Variants in ALX1 observed in about 807,000 individuals in gnomAD.
The protein encoded by ALX1 is ALX homeobox 1, also known as ALX homeobox protein 1.
ALX1 carries 19 observed loss-of-function variants against 31.7 expected under a neutral mutation model. The ratio of observed to expected loss-of-function variants is 0.60; its 90% CI spans 0.42 to 0.88. The LOEUF (loss-of-function observed/expected upper bound fraction) is 0.88. Among genes scored for constraint, ALX1 ranks in the 40% least tolerant of loss-of-function variants. The probability of loss-of-function intolerance (pLI) is 0.00; values close to 1 mark genes in which losing one functional copy is unlikely to be tolerated. For missense variants in ALX1, 415 were observed against 407.8 expected (o/e 1.02, Z -0.15); for synonymous variants, 153 against 148.8 (o/e 1.03, Z -0.20).
At chr12:85,291,815 A>G (rs1441834587) in intron 3 of ALX1, among the ~76,000 whole-genome samples, 1 of 151,086 alleles carries the variant, frequency 6.6e-6, no homozygotes, top group Non-Finnish European at 1.5e-5. Flanking sequence ...TTTATAGACT[A>G]CAGAGGTGAA....
At position 85,283,525 on chromosome 12, in the gene ALX1, G is replaced by C. The variant is rs1478393047; in HGVS notation, c.227-47G>C. 1.9e-6 allele frequency: 3 copies of C among 1,584,726 alleles called. No homozygotes were observed. The Admixed American group carries it at 5.0e-5, about 26-fold the overall frequency. ...TTCTACTTATTGATTTAATTGAGATGAGTTTCACAATCCTGAGAACTGTTG... is the reference window on the plus strand; with the variant it reads ...TTCTACTTATTGATTTAATTGAGATCAGTTTCACAATCCTGAGAACTGTTG... On this transcript the variant is annotated intron_variant, in intron 1 of 3. Transcript: ENST00000316824.
In ALX1 at chr12:85,301,395, T is replaced by A; in HGVS notation, c.901T>A (p.Phe301Ile). 6.2e-7 allele frequency: 1 copy of A among 1,613,982 alleles called. No homozygotes were observed. Among genetic ancestry groups the A allele is most frequent in the Non-Finnish European group, 8.5e-7 (1 of 1,179,966 alleles). The change falls in exon 4 of 4, where the codon TTT (phenylalanine) becomes ATT (isoleucine). Residue 301 changes from phenylalanine to isoleucine, a missense_variant. Phe to Ile is a conservative substitution (Grantham distance 21). Coordinates refer to ENST00000316824, the MANE Select transcript of ALX1 (RefSeq NM_006982.3). ...ACATGCATTTGAAACAAAGCCAGAG[T>A]TTGAAAGGAGGTCTTCCAGTATCGC... ...NGHAFETKPE[F>I]ERRSSSIAVL...
intron 3 of ALX1, among the ~76,000 whole-genome samples, chr12:85,296,932 C>G (rs1204809861): frequency 1.4e-4 from 21 of 151,540 alleles, no homozygotes; most frequent in Non-Finnish European, 2.8e-4. Context: ...TTTTTTACTT[C>G]CAAAATTGAA....
intron 3 of ALX1, among the ~76,000 whole-genome samples, chr12:85,289,525 T>C (rs1230593436): frequency 6.6e-6 from 1 of 151,278 alleles, no homozygotes; most frequent in Non-Finnish European, 1.5e-5. Flanking sequence ...AATGTTGCAC[T>C]AATTATTCCT....
At chr12:85,284,686 C>T (rs950938251) in intron 2 of ALX1, among the ~76,000 whole-genome samples, 2 of 151,874 alleles carry the variant, frequency 1.3e-5, no homozygotes, top group Admixed American at 1.3e-4. Context: ...CTTAGGAGTA[C>T]TTTATTTTGA....
chr12:85,285,922 G>A lies in ALX1; in HGVS notation c.532-931G>A, dbSNP rs192539254. 4.5e-3 allele frequency among the ~76,000 whole-genome samples: 681 copies of A among 151,966 alleles called. 5 individuals carry two copies. The highest frequency in any genetic ancestry group is 7.6e-3 in the Non-Finnish European group (518 of 67,834). On this transcript the variant is annotated intron_variant, in intron 2 of 3. Transcript: ENST00000316824. ...GAAGATATTGGAATATTACAGGTAT[G>A]AATTAATGAATATCCAACCTGCTGA...
intron 3 of ALX1, among the ~76,000 whole-genome samples, chr12:85,290,102 GA>G (rs1226666077): frequency 6.6e-6 from 1 of 151,158 alleles, no homozygotes; most frequent in East Asian, 1.9e-4. Context: ...AGATAGTTTA[GA>G]AAATGATCTC....
chr12:85,292,972 A>G (rs1027290078), intron 3 of ALX1, among the ~76,000 whole-genome samples: 4 of 150,086 alleles, frequency 2.7e-5, no homozygotes, highest in African/African-American at 9.7e-5. Flanking sequence ...TAATTAATAC[A>G]TTGTATGATG....
At chr12:85,291,988 A>G (rs1299732116) in intron 3 of ALX1, among the ~76,000 whole-genome samples, 1 of 151,200 alleles carries the variant, frequency 6.6e-6, no homozygotes, top group African/African-American at 2.4e-5. Context: ...AAATGGGGGT[A>G]AAAGCTCATA....
intron 3 of ALX1, among the ~76,000 whole-genome samples, chr12:85,293,963 G>A (rs933341895): frequency 6.6e-6 from 1 of 150,828 alleles, no homozygotes; most frequent in African/African-American, 2.4e-5. Context: ...ACATTAAATA[G>A]GTAAACTTCC....
chr12:85,286,928 T>C lies in ALX1; in HGVS notation c.607T>C (p.Phe203Leu). The change falls in exon 3 of 4, where the codon TTT becomes CTT. Residue 203 changes from phenylalanine (F) to leucine (L), a missense_variant. Coordinates refer to ENST00000316824, the MANE Select transcript of ALX1 (RefSeq NM_006982.3). ...YGQIQQAKSHFAATYDISVLP... is the reference protein window; with the variant it reads ...YGQIQQAKSHLAATYDISVLP... ...CCAAATACAACAAGCGAAAAGCCAT[T>C]TTGCTGCCACCTATGATATATCAGT... 6.2e-7 allele frequency: 1 copy of C among 1,612,288 alleles called. No individual in the cohort carries two copies. Among genetic ancestry groups the C allele is most frequent in the Non-Finnish European group, 8.5e-7 (1 of 1,178,694 alleles).
intron 3 of ALX1, among the ~76,000 whole-genome samples, chr12:85,295,061 A>T (rs79984170): frequency 0.032 from 4,787 of 151,406 alleles, 249 homozygotes; most frequent in African/African-American, 0.11. Context: ...CACTGATGAA[A>T]ATGTGCCCTC....
chr12:85,283,378 A>G (rs1343242957), intron 1 of ALX1, among the ~76,000 whole-genome samples, 194 bp from the exon 2 acceptor site: 1 of 152,240 alleles, frequency 6.6e-6, no homozygotes, highest in East Asian at 1.9e-4. Context: ...CAGTTGCATG[A>G]ACACATTTTA....
intron 3 of ALX1, among the ~76,000 whole-genome samples, chr12:85,289,858 TG>T (rs749157403): frequency 2.6e-5 from 4 of 151,304 alleles, no homozygotes; most frequent in South Asian, 4.1e-4. Flanking sequence ...CTAAATGAAA[TG>T]TTTTTTTTAT....
chr12:85,301,683 T>C lies in ALX1; in HGVS notation c.*208T>C. 1.6e-6 allele frequency: 1 copy of C among 623,220 alleles called. No homozygotes were observed. Among genetic ancestry groups the C allele is most frequent in the South Asian group, 2.1e-5 (1 of 48,496 alleles). 38.6% of individuals were successfully genotyped at this position (623,220 alleles called of 1,614,324 possible). The stretch of plus-strand genomic sequence containing the variant: ...ACTAAATAGGTTTACCATGTGCCAG[T>C]CTCCACAAACCCTGTTTTAGTAGTA... On this transcript the variant is annotated 3_prime_UTR_variant, in exon 4 of 4. Transcript: ENST00000316824.
At chr12:85,281,653 A>G (rs1422225261) in intron 1 of ALX1, among the ~76,000 whole-genome samples, 1 of 152,218 alleles carries the variant, frequency 6.6e-6, no homozygotes, top group African/African-American at 2.4e-5. Flanking sequence ...GACTAAGGGT[A>G]AATCAAAAAT....
chr12:85,293,433 AAC>A (rs1186834840), intron 3 of ALX1, among the ~76,000 whole-genome samples: 2 of 150,528 alleles, frequency 1.3e-5, no homozygotes, highest in Admixed American at 6.6e-5. Context: ...ATAAAAATGA[AAC>A]ATTTCATTTT....
rs771991970 is a variant in ALX1 at position 85,301,301 on chromosome 12, G to C, written c.807G>C (p.Gln269His). ...GTTACACGGGGTTTTCAAACCACCAGAACCAGTTCAGCCACGTGCCCCTCA... is the reference window on the plus strand; with the variant it reads ...GTTACACGGGGTTTTCAAACCACCACAACCAGTTCAGCCACGTGCCCCTCA... ...DSSYTGFSNH[Q>H]NQFSHVPLNN... Residue 269 changes from glutamine (Q) to histidine (H), a missense_variant, in exon 4 of 4, where the codon CAG (glutamine) becomes CAC (histidine). Physicochemically the swap from Gln to His is conservative, Grantham distance 24 (BLOSUM62 0). Transcript: ENST00000316824. 4 of 1,614,004 alleles carry C rather than the reference G, an allele frequency of 2.5e-6. No homozygotes were observed. The South Asian group carries it at 4.4e-5, about 18-fold the overall frequency.
At chr12:85,293,007 C>T (rs1896838673) in intron 3 of ALX1, among the ~76,000 whole-genome samples, 2 of 150,304 alleles carry the variant, frequency 1.3e-5, no homozygotes, top group Non-Finnish European at 3.0e-5. Flanking sequence ...CATGAAACAA[C>T]CAATGAATGG....
Sources: gnomAD v4.1 joint callset for allele counts (sites outside exome capture counted in the v4.1 genomes callset) on GRCh38, gnomAD v4.1.1 for gene constraint, MANE v1.5 for transcripts, NCBI Gene and HGNC (gene_info 2026-07-23, HGNC 2026-07-21) for gene names.